DLGAP1: variants seen among roughly 807,000 people sequenced by gnomAD.
DLGAP1 encodes the protein disks large-associated protein 1.
A neutral mutation model predicts 90.8 loss-of-function variants in DLGAP1; 11 were observed. That is an observed-to-expected ratio of 0.12 (90% CI 0.08 to 0.20). The LOEUF is 0.20. Among genes scored for constraint, DLGAP1 ranks in the 10% least tolerant of loss-of-function variants. DLGAP1 has a pLI of 1.00. For missense variants in DLGAP1, 1,050 were observed against 1,333.8 expected (o/e 0.79, Z 3.31); for synonymous variants, 558 against 540.7 (o/e 1.03, Z -0.44).
At chr18:4,344,657 C>T (rs1368705082) in intron 1 of DLGAP1, among the ~76,000 whole-genome samples, 1 of 152,146 alleles carries the variant, frequency 6.6e-6, no homozygotes, top group East Asian at 1.9e-4. Context: ...TGTGCCAGGT[C>T]TGGAATTAAG....
chr18:4,042,046 G>T (rs564413501), intron 2 of DLGAP1, among the ~76,000 whole-genome samples: 1 of 152,222 alleles, frequency 6.6e-6, no homozygotes, highest in East Asian at 1.9e-4. Flanking sequence ...TGACATCCAC[G>T]TTTCTAAGAA....
intron 1 of DLGAP1, among the ~76,000 whole-genome samples, chr18:4,396,665 T>G (rs565257412): frequency 2.6e-5 from 4 of 152,270 alleles, no homozygotes; most frequent in African/African-American, 7.2e-5. Flanking sequence ...AAACTCATGC[T>G]AGGGCTTGGG....
At chr18:4,036,740 T>C (rs555711168) in intron 2 of DLGAP1, among the ~76,000 whole-genome samples, 1 of 152,328 alleles carries the variant, frequency 6.6e-6, no homozygotes, top group South Asian at 2.1e-4. Context: ...TTAAGAATTT[T>C]TCAGGGGGGG....
chr18:4,239,223 T>A (rs2078479795), intron 1 of DLGAP1, among the ~76,000 whole-genome samples: 1 of 152,210 alleles, frequency 6.6e-6, no homozygotes, highest in Admixed American at 6.5e-5. Context: ...TTTTCAAATC[T>A]TCAGCTTTAC....
At chr18:4,043,393 G>A (rs1244371963) in intron 2 of DLGAP1, among the ~76,000 whole-genome samples, 1 of 152,168 alleles carries the variant, frequency 6.6e-6, no homozygotes, top group Non-Finnish European at 1.5e-5. Context: ...CTGGGCAGAT[G>A]TCTTTCTGTA....
intron 7 of DLGAP1, among the ~76,000 whole-genome samples, chr18:3,637,934 T>C (rs1179904068): frequency 1.3e-5 from 2 of 149,034 alleles, no homozygotes; most frequent in South Asian, 2.1e-4. Flanking sequence ...TAGGTTTTTG[T>C]GCTAGGTAGC....
intron 4 of DLGAP1, among the ~76,000 whole-genome samples, chr18:3,876,025 GA>G (rs35857812): frequency 0.3 from 40,701 of 134,632 alleles, 5,557 homozygotes; most frequent in Middle Eastern, 0.37. Context: ...CAATAGAGCT[GA>G]AAAAAAAAAA....
intron 1 of DLGAP1, among the ~76,000 whole-genome samples, chr18:4,313,681 C>T (rs546025778): frequency 2.6e-4 from 39 of 152,216 alleles, no homozygotes; most frequent in South Asian, 2.1e-3. Flanking sequence ...CCCTGGACAT[C>T]CTCTGAACAA....
intron 1 of DLGAP1, among the ~76,000 whole-genome samples, chr18:4,367,941 T>G (rs1481701565): frequency 6.8e-6 from 1 of 147,304 alleles, no homozygotes; most frequent in African/African-American, 2.7e-5. Flanking sequence ...CAAAATTTGA[T>G]GAATCTTGAT....
At chr18:3,721,770 C>T (rs751624797) in intron 7 of DLGAP1, 18 of 152,128 alleles carry the variant, frequency 1.2e-4, no homozygotes, top group Non-Finnish European at 2.1e-4. Context: ...GTTTCCAAGG[C>T]ATTTATTGGT....
chr18:4,432,693 C>A (rs62085387), intron 1 of DLGAP1, among the ~76,000 whole-genome samples: 7,822 of 151,708 alleles, frequency 0.052, 272 homozygotes, highest in South Asian at 0.1. Flanking sequence ...CAATGCTGTA[C>A]AATAGATCTC....
At chr18:4,308,998 T>C (rs536792677) in intron 1 of DLGAP1, among the ~76,000 whole-genome samples, 1 of 152,334 alleles carries the variant, frequency 6.6e-6, no homozygotes, top group Non-Finnish European at 1.5e-5. Flanking sequence ...TTATAACAAC[T>C]AAGTCATATA....
At chr18:3,522,496 A>G (rs1425093964) in intron 10 of DLGAP1, among the ~76,000 whole-genome samples, 1 of 148,354 alleles carries the variant, frequency 6.7e-6, no homozygotes, top group Admixed American at 6.8e-5. Flanking sequence ...GAGAAAGGGA[A>G]TTTTAAAAGT....
At chr18:4,248,908 A>C (rs73942741) in intron 1 of DLGAP1, among the ~76,000 whole-genome samples, 1 of 152,144 alleles carries the variant, frequency 6.6e-6, no homozygotes, top group Admixed American at 6.5e-5. Flanking sequence ...GCACTGGTTC[A>C]CATGCAGTGC....
chr18:3,897,989 T>C (rs2071683273), intron 3 of DLGAP1, among the ~76,000 whole-genome samples: 2 of 151,744 alleles, frequency 1.3e-5, no homozygotes, highest in Non-Finnish European at 2.9e-5. Context: ...AGAGACGGGG[T>C]TTCACCTTGT....
chr18:3,868,486 A>G (rs1485738655), intron 4 of DLGAP1, among the ~76,000 whole-genome samples: 3 of 152,166 alleles, frequency 2.0e-5, no homozygotes, highest in Non-Finnish European at 2.9e-5. Flanking sequence ...TTAGACTGGC[A>G]GGTGGCATTC....
intron 10 of DLGAP1, among the ~76,000 whole-genome samples, chr18:3,520,289 T>C (rs951952761): frequency 1.3e-5 from 2 of 152,208 alleles, no homozygotes; most frequent in Admixed American, 6.5e-5. Context: ...GAACTCCTTC[T>C]GCCAGTGCCT....
rs1159602628 is a variant in DLGAP1 at position 4,087,570 on chromosome 18, T to C, written c.-159+63610A>G. On this transcript the variant is annotated intron_variant, in intron 2 of 12. Coordinates refer to ENST00000315677, the MANE Select transcript of DLGAP1 (RefSeq NM_004746.4). ...CAATAAATATGTGGGTAAATCTCTG[T>C]TCAAGGCTCTCAGCTCTGAAGGCTG... Among the ~76,000 whole-genome samples the C allele has an allele frequency of 2.6e-5, 4 of 152,186 alleles. No homozygotes were observed. In the East Asian group the frequency reaches 7.7e-4, roughly 29 times the overall value.
chr18:4,033,331 T>C (rs2074830002), intron 2 of DLGAP1, among the ~76,000 whole-genome samples: 1 of 146,128 alleles, frequency 6.8e-6, no homozygotes, highest in Non-Finnish European at 1.5e-5. Flanking sequence ...GGTCCTTCTA[T>C]TTTAGGAAAT....
Sources: allele counts gnomAD v4.1 joint callset (sites outside exome capture counted in the v4.1 genomes callset), GRCh38; gene constraint gnomAD v4.1.1; transcripts MANE v1.5; gene names NCBI Gene and HGNC (gene_info 2026-07-23, HGNC 2026-07-21).